The following LEPR variants were observed in gnomAD, a reference collection of about 807,000 sequenced individuals.
The protein encoded by LEPR is leptin receptor, also known as OB receptor.
Under a neutral mutation model 114.7 loss-of-function variants are expected in LEPR, and 56 were observed. That is an observed-to-expected ratio of 0.49 (90% CI 0.39 to 0.61). LEPR has a LOEUF of 0.61. Ranked by LOEUF, LEPR falls within the 20% of genes least tolerant of loss-of-function variation. The pLI is 0.00. For synonymous variants in LEPR, 443 were observed against 461.4 expected (o/e 0.96, Z 0.51); for missense variants, 1,202 against 1,352.9 (o/e 0.89, Z 1.75).
intron 2 of LEPR, chr1:65,525,988 C>A: frequency 1.3e-6 from 1 of 754,724 alleles, no homozygotes; most frequent in Non-Finnish European, 1.6e-6. Flanking sequence ...CAGCGCCCGG[C>A]GGGCGGCGGG....
At chr1:65,505,005 A>G (rs990280350) in intron 2 of LEPR, among the ~76,000 whole-genome samples, 5 of 152,292 alleles carry the variant, frequency 3.3e-5, no homozygotes, top group Non-Finnish European at 7.4e-5. Context: ...TTTTTTAAAC[A>G]TCTCAAGTGC....
At chr1:65,555,037 G>A (rs368937673) in intron 2 of LEPR, among the ~76,000 whole-genome samples, 4 of 152,004 alleles carry the variant, frequency 2.6e-5, no homozygotes, top group African/African-American at 4.8e-5. Context: ...CTCCGTGGGC[G>A]GCACCCACTG....
At chr1:65,582,787 C>T (rs975152154) in intron 5 of LEPR, among the ~76,000 whole-genome samples, 1 of 152,118 alleles carries the variant, frequency 6.6e-6, no homozygotes, top group Non-Finnish European at 1.5e-5. Flanking sequence ...ATTTTCTGCA[C>T]CATCATGTTT....
intron 2 of LEPR, among the ~76,000 whole-genome samples, chr1:65,526,970 A>G (rs1004672638): frequency 2.4e-4 from 37 of 152,356 alleles, no homozygotes; most frequent in African/African-American, 8.7e-4. Flanking sequence ...AAAAACATGT[A>G]TAAAGAGCTC....
chr1:65,460,767 G>A (rs560532242), intron 2 of LEPR, among the ~76,000 whole-genome samples: 4 of 151,926 alleles, frequency 2.6e-5, no homozygotes, highest in African/African-American at 9.6e-5. Context: ...GCTTTCACCC[G>A]GGAGACTGAG....
intron 2 of LEPR, among the ~76,000 whole-genome samples, chr1:65,481,174 A>C (rs2100452362): frequency 6.6e-6 from 1 of 152,294 alleles, no homozygotes; most frequent in Non-Finnish European, 1.5e-5. Context: ...TCTCCTTATA[A>C]CAACAGCAGG....
intron 2 of LEPR, among the ~76,000 whole-genome samples, chr1:65,543,090 C>T (rs1389241212): frequency 1.3e-5 from 2 of 152,034 alleles, no homozygotes; most frequent in African/African-American, 4.8e-5. Flanking sequence ...AGTGTAAAAG[C>T]GTTCCTATTT....
rs376477995 is a variant in LEPR, at chr1:65,446,616, G to C, written c.-21+21238G>C. ...GAAATTATTGGTCCATTTCTTTATT[G>C]AGTTGTGTGATTTCTTAATACTGAG... is the stretch of plus-strand genomic sequence containing the variant. On this transcript the variant is annotated intron_variant, in intron 2 of 19. Transcript: ENST00000349533. 8.5e-5 allele frequency among the ~76,000 whole-genome samples: 13 copies of C among 152,142 alleles called. No homozygotes were observed. The East Asian group carries it at 1.4e-3, about 16-fold the overall frequency.
At chr1:65,555,856 G>A (rs748197817) in intron 2 of LEPR, among the ~76,000 whole-genome samples, 1 of 152,150 alleles carries the variant, frequency 6.6e-6, no homozygotes, top group East Asian at 1.9e-4. Flanking sequence ...GATTGGGATA[G>A]AGGGTAGTCT....
intron 2 of LEPR, chr1:65,430,023 C>A: frequency 6.4e-7 from 1 of 1,562,258 alleles, no homozygotes; most frequent in Non-Finnish European, 8.8e-7. Flanking sequence ...TTTGGATTTC[C>A]TGTTATTCTT....
chr1:65,586,097 T>C (rs1655297170), intron 5 of LEPR, among the ~76,000 whole-genome samples: 1 of 152,046 alleles, frequency 6.6e-6, no homozygotes, highest in African/African-American at 2.4e-5. Context: ...CTAAATAAAA[T>C]GGTGATGATA....
At chr1:65,473,243 A>C (rs1457754727) in intron 2 of LEPR, among the ~76,000 whole-genome samples, 6 of 152,234 alleles carry the variant, frequency 3.9e-5, no homozygotes, top group Non-Finnish European at 7.3e-5. Context: ...ACAAGGTCAC[A>C]CAGCTAAGAG....
At position 65,637,331 on chromosome 1, in the gene LEPR, G is replaced by C; in HGVS notation, c.*316G>C. ...TAATTGTTTTTTCAGAGGGCGTGTT[G>C]TTTTACCTCAAGTTTTTGTTTTGTA... On this transcript the variant is annotated 3_prime_UTR_variant, in exon 20 of 20. Coordinates refer to ENST00000349533, the MANE Select transcript of LEPR (RefSeq NM_002303.6). 4.0e-6 allele frequency: 1 copy of C among 247,960 alleles called. No individual in the cohort carries two copies. The highest frequency in any genetic ancestry group is 7.8e-6 in the Non-Finnish European group (1 of 127,390). 15.4% of individuals were successfully genotyped at this position (247,960 alleles called of 1,614,324 possible). A position where few individuals can be genotyped will look rare whatever the true frequency, so the allele number is the denominator to read the frequency against.
At chr1:65,456,185 C>T (rs1646873209) in intron 2 of LEPR, among the ~76,000 whole-genome samples, 1 of 152,046 alleles carries the variant, frequency 6.6e-6, no homozygotes, top group African/African-American at 2.4e-5. Flanking sequence ...CACTGTCTGG[C>T]ACTCCCTAGT....
intron 2 of LEPR, among the ~76,000 whole-genome samples, chr1:65,520,839 T>A (rs1649597029): frequency 6.6e-6 from 1 of 152,260 alleles, no homozygotes; most frequent in Non-Finnish European, 1.5e-5. Context: ...GGGCTAGTTA[T>A]CTGCAGCATG....
At chr1:65,432,895 C>T (rs181493478) in intron 2 of LEPR, 19 of 869,208 alleles carry the variant, frequency 2.2e-5, no homozygotes, top group Admixed American at 6.2e-5. Flanking sequence ...ATCATAAAAC[C>T]GTATTGTACC....
intron 2 of LEPR, among the ~76,000 whole-genome samples, chr1:65,551,190 G>A (rs577718758): frequency 2.0e-5 from 3 of 151,892 alleles, no homozygotes; most frequent in African/African-American, 7.2e-5. Flanking sequence ...TTTTTGTTTT[G>A]TCTATGCCAG....
rs1225980676 is a variant in LEPR, at chr1:65,425,357, G to C, written c.-42G>C. 1 of 1,605,614 alleles carries C rather than the reference G, an allele frequency of 6.2e-7. No individual in the cohort carries two copies. The highest frequency in any genetic ancestry group is 8.5e-7 in the Non-Finnish European group (1 of 1,178,052). ...ATTGGACTGACTTTTCTTATGCTGGGATGTGCCTTAGAGGATTATGGGTAA... is the reference window on the plus strand; with the variant it reads ...ATTGGACTGACTTTTCTTATGCTGGCATGTGCCTTAGAGGATTATGGGTAA... On this transcript the variant is annotated 5_prime_UTR_variant, in exon 2 of 20. Coordinates refer to ENST00000349533, the MANE Select transcript of LEPR (RefSeq NM_002303.6).
chr1:65,629,419 A>G (rs1427583514), intron 19 of LEPR: 13 of 420,644 alleles, frequency 3.1e-5, no homozygotes, highest in Non-Finnish European at 9.4e-6. Context: ...TTGCATTGTT[A>G]TGATTATGTA....
Sources: gnomAD v4.1 joint callset for allele counts (sites outside exome capture counted in the v4.1 genomes callset) on GRCh38, gnomAD v4.1.1 for gene constraint, MANE v1.5 for transcripts, NCBI Gene and HGNC (gene_info 2026-07-23, HGNC 2026-07-21) for gene names.